SH3GL3: variants seen among roughly 807,000 people sequenced by gnomAD.
SH3GL3 encodes endophilin-A3.
In SH3GL3, 33 loss-of-function variants were observed where a neutral mutation model predicts 47.7. That is an observed-to-expected ratio of 0.69 (90% CI 0.52 to 0.92). The LOEUF (loss-of-function observed/expected upper bound fraction) is 0.92. SH3GL3 is among the 40% of genes least tolerant of loss of function. The probability of loss-of-function intolerance (pLI) is 0.00; values close to 1 mark genes in which losing one functional copy is unlikely to be tolerated. For missense variants in SH3GL3, 363 were observed against 417.8 expected (o/e 0.87, Z 1.14); for synonymous variants, 155 against 148.8 (o/e 1.04, Z -0.30).
intron 1 of SH3GL3, among the ~76,000 whole-genome samples, chr15:83,484,237 A>G (rs1337662101): frequency 6.6e-6 from 1 of 152,186 alleles, no homozygotes; most frequent in African/African-American, 2.4e-5. Flanking sequence ...TGTTACTTTA[A>G]AGGGTTTTTA....
chr15:83,605,045 T>C lies in SH3GL3; in HGVS notation c.839-13037T>C, dbSNP rs568464692. ...TGAGGCCACGCATGTCAGTGCTTTGTCCCCTCTTTCTTGGCCAGTAGCTGG... is the reference window on the plus strand; with the variant it reads ...TGAGGCCACGCATGTCAGTGCTTTGCCCCCTCTTTCTTGGCCAGTAGCTGG... On this transcript the variant is annotated intron_variant, in intron 8 of 8. Transcript: ENST00000427482. Among the ~76,000 whole-genome samples, 18 of 152,328 alleles carry C rather than the reference T, an allele frequency of 1.2e-4. 1 individual carries two copies. In the South Asian group the frequency reaches 3.7e-3, roughly 32 times the overall value.
At chr15:83,493,267 G>A (rs758336991) in intron 1 of SH3GL3, among the ~76,000 whole-genome samples, 16 of 152,116 alleles carry the variant, frequency 1.1e-4, no homozygotes, top group Non-Finnish European at 2.1e-4. Flanking sequence ...GAGGGGATCC[G>A]GGGACTATAA....
At chr15:83,583,852 T>C (rs1428808893) in intron 6 of SH3GL3, among the ~76,000 whole-genome samples, 1 of 152,142 alleles carries the variant, frequency 6.6e-6, no homozygotes, top group Admixed American at 6.5e-5. Flanking sequence ...CCAGCCACGA[T>C]GGGCCCATTA....
chr15:83,580,046 A>G (rs1407035968), intron 6 of SH3GL3, among the ~76,000 whole-genome samples: 1 of 152,220 alleles, frequency 6.6e-6, no homozygotes, highest in African/African-American at 2.4e-5. Context: ...TGGGGCATAC[A>G]TTGAACCCTT....
At chr15:83,481,477 C>T (rs80337543) in intron 1 of SH3GL3, among the ~76,000 whole-genome samples, 2,964 of 152,208 alleles carry the variant, frequency 0.019, 87 homozygotes, top group African/African-American at 0.067. Flanking sequence ...TGCTACTTCT[C>T]CCTGCTGGTT....
At chr15:83,474,564 A>G (rs1464070802) in intron 1 of SH3GL3, among the ~76,000 whole-genome samples, 1 of 151,454 alleles carries the variant, frequency 6.6e-6, no homozygotes, top group Non-Finnish European at 1.5e-5. Flanking sequence ...TGGATAGTTC[A>G]TCTGCAGGTT....
intron 1 of SH3GL3, among the ~76,000 whole-genome samples, chr15:83,480,035 A>G (rs1306423762): frequency 6.6e-6 from 1 of 152,210 alleles, no homozygotes; most frequent in Admixed American, 6.5e-5. Context: ...GTTCTTTTTC[A>G]GTGTAATAAA....
Position 83,572,665 on chromosome 15 carries a change from G to A in SH3GL3, c.432G>A (p.Gln144=). ...AGCAAACTTTTATTGATCCACTTCA[G>A]TTACTACAAGATAAAGATTTAAAAG... ...NVKQTFIDPL[Q]LLQDKDLKEI... Residue 144 remains glutamine (Q), a synonymous_variant, in exon 5 of 9, where the codon CAG becomes CAA. Coordinates refer to ENST00000427482, the MANE Select transcript of SH3GL3 (RefSeq NM_003027.5). 1 of 1,610,670 alleles carries A rather than the reference G, an allele frequency of 6.2e-7. No homozygotes were observed.
chr15:83,484,940 G>A (rs1452018875), intron 1 of SH3GL3, among the ~76,000 whole-genome samples: 5 of 152,174 alleles, frequency 3.3e-5, no homozygotes, highest in Admixed American at 2.6e-4. Flanking sequence ...AAAGTCACAA[G>A]TGTTTAAATA....
intron 1 of SH3GL3, among the ~76,000 whole-genome samples, chr15:83,508,900 TA>T (rs2042630155): frequency 6.6e-6 from 1 of 152,144 alleles, no homozygotes; most frequent in Admixed American, 6.5e-5. Flanking sequence ...CTTACATTTT[TA>T]AAAGATCATT....
intron 1 of SH3GL3, among the ~76,000 whole-genome samples, chr15:83,477,247 A>T (rs1042307744): frequency 3.3e-5 from 5 of 152,188 alleles, no homozygotes; most frequent in Non-Finnish European, 7.3e-5. Flanking sequence ...CTCACCAGGG[A>T]AACACTGCTT....
chr15:83,564,643 A>G (rs1420671481), intron 2 of SH3GL3, among the ~76,000 whole-genome samples: 2 of 152,310 alleles, frequency 1.3e-5, no homozygotes, highest in Admixed American at 6.5e-5. Context: ...CCATAGCACA[A>G]ATGAATGTGT....
rs1206424652 is a variant in SH3GL3, at chr15:83,618,426, A to G, written c.*139A>G. ...TGTATGTGTGCTCTCTTTATAATGT[A>G]TTTTATATCACTTTAATTTGTATAA... On this transcript the variant is annotated 3_prime_UTR_variant, in exon 9 of 9. Coordinates refer to ENST00000427482, the MANE Select transcript of SH3GL3 (RefSeq NM_003027.5). 13 of 608,214 alleles carry G rather than the reference A, an allele frequency of 2.1e-5. No individual in the cohort carries two copies. Among genetic ancestry groups the G allele is most frequent in the Non-Finnish European group, 3.8e-5 (13 of 338,250 alleles). 37.7% of individuals were successfully genotyped at this position (608,214 alleles called of 1,614,324 possible).
intron 1 of SH3GL3, among the ~76,000 whole-genome samples, chr15:83,528,690 A>T (rs1264245615): frequency 6.6e-6 from 1 of 151,844 alleles, no homozygotes; most frequent in Non-Finnish European, 1.5e-5. Context: ...TGAATTTCTC[A>T]TTCACATTCT....
chr15:83,511,345 G>A (rs969436885), intron 1 of SH3GL3, among the ~76,000 whole-genome samples: 4 of 152,072 alleles, frequency 2.6e-5, no homozygotes, highest in African/African-American at 4.8e-5. Flanking sequence ...AGCTCCAGAT[G>A]TAAACTTTTG....
chr15:83,530,571 C>T (rs985821568), intron 1 of SH3GL3, among the ~76,000 whole-genome samples: 2 of 150,096 alleles, frequency 1.3e-5, no homozygotes, highest in African/African-American at 4.9e-5. Context: ...CCAGATACCT[C>T]TAGTCAGTCA....
At chr15:83,499,927 A>G (rs1009229172) in intron 1 of SH3GL3, among the ~76,000 whole-genome samples, 1 of 152,216 alleles carries the variant, frequency 6.6e-6, no homozygotes, top group Non-Finnish European at 1.5e-5. Flanking sequence ...ACTCCCTGAT[A>G]TTTAAAAGCT....
At chr15:83,562,458 A>G (rs909856740) in intron 2 of SH3GL3, among the ~76,000 whole-genome samples, 2 of 152,198 alleles carry the variant, frequency 1.3e-5, no homozygotes, top group South Asian at 2.1e-4. Flanking sequence ...GGTTGTATAT[A>G]TCAAAGGGAG....
intron 5 of SH3GL3, among the ~76,000 whole-genome samples, chr15:83,574,530 C>T (rs1186012777): frequency 1.3e-5 from 2 of 152,150 alleles, no homozygotes; most frequent in Admixed American, 6.5e-5. Flanking sequence ...AACATTTACA[C>T]ACAGCACAGC....
Sources: allele counts gnomAD v4.1 joint callset (sites outside exome capture counted in the v4.1 genomes callset), GRCh38; gene constraint gnomAD v4.1.1; transcripts MANE v1.5; gene names NCBI Gene and HGNC (gene_info 2026-07-23, HGNC 2026-07-21).